Variants in CFAP74 observed in about 807,000 individuals in gnomAD.
CFAP74 encodes the protein cilia and flagella associated protein 74.
CFAP74 carries 124 observed loss-of-function variants against 188.9 expected under a neutral mutation model. The observed-to-expected ratio is 0.66, with a 90% confidence interval of 0.57 to 0.76. CFAP74 has a LOEUF of 0.76. Among genes scored for constraint, CFAP74 ranks in the 30% least tolerant of loss-of-function variants. The pLI, the probability that CFAP74 is intolerant of heterozygous loss-of-function variation, is 0.00. For synonymous variants in CFAP74, 956 were observed against 916.7 expected (o/e 1.04, Z -0.77); for missense variants, 2,198 against 2,165.2 (o/e 1.02, Z -0.30).
At chr1:1,937,621 C>T (rs924056319) in intron 25 of CFAP74, among the ~76,000 whole-genome samples, 3 of 152,172 alleles carry the variant, frequency 2.0e-5, no homozygotes, top group East Asian at 3.8e-4. Flanking sequence ...ACCACAGACC[C>T]GGCTGTGACT....
chr1:1,931,019 T>C lies in CFAP74; in HGVS notation c.3012-683A>G, dbSNP rs1570831117. Among the ~76,000 whole-genome samples the C allele has an allele frequency of 2.0e-5, 3 of 152,350 alleles. No individual in the cohort carries two copies. The South Asian group carries it at 6.2e-4, about 32-fold the overall frequency. On this transcript the variant is annotated intron_variant, in intron 25 of 38. Transcript: ENST00000682832. ...TGTCCTAATTGTATATATTTTATGC[T>C]GTAAAGGACAATACTCCTATCACAT...
chr1:1,941,115 A>AAAAGAAAGAAAAAGAAAGAAAGAAAG (rs1558005777), intron 22 of CFAP74, among the ~76,000 whole-genome samples: 1 of 152,060 alleles, frequency 6.6e-6, no homozygotes, highest in African/African-American at 2.4e-5. Context: ...TCTGTCTCAA[A>AAAAGAAAGAAAAAGAAAGAAAGAAAG]AAAGAAAGAA....
intron 1 of CFAP74, among the ~76,000 whole-genome samples, chr1:1,995,384 T>G (rs558933518): frequency 6.7e-6 from 1 of 150,104 alleles, no homozygotes; most frequent in East Asian, 2.0e-4. Flanking sequence ...CCCAGCTACT[T>G]AGGAGGCTGA....
At chr1:1,964,162 AGGT>A (rs1007502781) in intron 13 of CFAP74, among the ~76,000 whole-genome samples, 2 of 152,218 alleles carry the variant, frequency 1.3e-5, no homozygotes, top group African/African-American at 4.8e-5. Flanking sequence ...GTGGGTTCCA[AGGT>A]GGGTCCCTGA....
At chr1:2,003,362 G>A (rs1285086807) in intron 1 of CFAP74, among the ~76,000 whole-genome samples, 1 of 152,184 alleles carries the variant, frequency 6.6e-6, no homozygotes, top group Non-Finnish European at 1.5e-5. Context: ...TGGGGCTATG[G>A]ACCATGCTCT....
chr1:1,932,951 T>C (rs550170287), intron 25 of CFAP74, among the ~76,000 whole-genome samples: 43 of 150,446 alleles, frequency 2.9e-4, no homozygotes, highest in African/African-American at 1.0e-3. Flanking sequence ...AGTGGTGCGA[T>C]CTCGGCTCAC....
intron 17 of CFAP74, 21 bp downstream of exon 17, chr1:1,956,599 A>G (rs2102061990): frequency 1.2e-6 from 2 of 1,613,914 alleles, no homozygotes; most frequent in Non-Finnish European, 8.5e-7. Context: ...ACACTCCCCC[A>G]TGGCTGAGTG....
Position 1,930,342 on chromosome 1 carries a change from A to C in CFAP74, c.3012-6T>G. On this transcript the variant is annotated splice_polypyrimidine_tract_variant and splice_region_variant and intron_variant, in intron 25 of 38. Coordinates refer to ENST00000682832, the MANE Select transcript of CFAP74 (RefSeq NM_001304360.2). ...GGCAAGACAGCTTGAAGCACCTGCAAGCAGCAGCATGGGAGGCCCTCAGCC... is the reference window on the plus strand; with the variant it reads ...GGCAAGACAGCTTGAAGCACCTGCACGCAGCAGCATGGGAGGCCCTCAGCC... 2 of 1,515,752 alleles carry C rather than the reference A, an allele frequency of 1.3e-6. No individual in the cohort carries two copies. Among genetic ancestry groups the C allele is most frequent in the Non-Finnish European group, 1.8e-6 (2 of 1,132,208 alleles). The allele number at this position is 1,515,752 out of a possible 1,614,324, so 93.9% of individuals were successfully genotyped here.
chr1:1,939,827 C>G, intron 23 of CFAP74, 60 bp from the exon 24 acceptor site: 5 of 1,481,230 alleles, frequency 3.4e-6, no homozygotes, highest in Non-Finnish European at 4.5e-6. Context: ...AAGTGCTCCC[C>G]AAACTCTGAG....
rs543379089 is a variant in CFAP74 at position 1,940,308 on chromosome 1, A to G, written c.2703+8T>C. 1.3e-6 allele frequency: 2 copies of G among 1,534,900 alleles called. No individual in the cohort carries two copies. Among genetic ancestry groups the G allele is most frequent in the Admixed American group, 2.0e-5 (1 of 50,994 alleles). On this transcript the variant is annotated splice_region_variant and intron_variant, in intron 23 of 38. Transcript: ENST00000682832. ...CCCAGCATCCCTGGGAAGTGCCCCA[A>G]CACAGACCTGGTCGGCAACCCATAT...
intron 18 of CFAP74, among the ~76,000 whole-genome samples, chr1:1,950,298 T>TA (rs1388837938): frequency 6.6e-6 from 1 of 152,186 alleles, no homozygotes; most frequent in East Asian, 1.9e-4. Context: ...TCCACGTACG[T>TA]ATCTTCTCTG....
At chr1:1,946,021 CGTGT>C (rs1472898417) in intron 20 of CFAP74, among the ~76,000 whole-genome samples, 2 of 135,352 alleles carry the variant, frequency 1.5e-5, no homozygotes, top group African/African-American at 5.7e-5. Flanking sequence ...TGCGTGTGTG[CGTGT>C]GTACGTGTGT....
chr1:1,966,602 C>T (rs1016132070), intron 11 of CFAP74, 76 bp from the exon 12 acceptor site: 13 of 1,342,112 alleles, frequency 9.7e-6, no homozygotes, highest in African/African-American at 3.0e-5. Flanking sequence ...GCCCAGCCCC[C>T]GCCGGTATGG....
intron 25 of CFAP74, among the ~76,000 whole-genome samples, chr1:1,935,857 T>C (rs1652851663): frequency 6.8e-6 from 1 of 146,568 alleles, no homozygotes; most frequent in South Asian, 2.1e-4. Flanking sequence ...GACCTTTTTT[T>C]TTTCAGCACT....
chr1:1,950,077 G>A (rs1012986439), intron 18 of CFAP74, among the ~76,000 whole-genome samples: 53 of 152,244 alleles, frequency 3.5e-4, no homozygotes, highest in East Asian at 5.8e-4. Context: ...TGAGCGTTTC[G>A]CTGGTGGCCA....
intron 6 of CFAP74, among the ~76,000 whole-genome samples, chr1:1,978,477 T>C (rs1433475555): frequency 6.6e-6 from 1 of 151,758 alleles, no homozygotes; most frequent in African/African-American, 2.4e-5. Flanking sequence ...AGGGCTGAAG[T>C]AGATGGGGAC....
Position 1,990,891 on chromosome 1 carries a change from A to G in CFAP74, c.66T>C (p.Asp22=). 1.2e-6 allele frequency: 2 copies of G among 1,611,674 alleles called. No homozygotes were observed. Among genetic ancestry groups the G allele is most frequent in the South Asian group, 1.1e-5 (1 of 90,278 alleles). The part of the protein sequence containing the change: ...ELLADALLLE[D]ERDELEDPEF... The stretch of plus-strand genomic sequence containing the variant: ...TTACTGTGAAAGAAGCTTTATTACC[A>G]TCTTCCAAAAGAAGGGCATCGGCCA... The change falls in exon 2 of 39, where the codon GAT becomes GAC. Residue 22 remains aspartate, a splice_region_variant and synonymous_variant. Coordinates refer to ENST00000682832, the MANE Select transcript of CFAP74 (RefSeq NM_001304360.2).
At chr1:1,961,389 C>T (rs1045216223) in intron 14 of CFAP74, among the ~76,000 whole-genome samples, 8 of 152,120 alleles carry the variant, frequency 5.3e-5, no homozygotes, top group African/African-American at 7.2e-5. Context: ...AGCAAGCAGG[C>T]GGAAAGCCAG....
chr1:1,973,026 C>A lies in CFAP74; in HGVS notation c.696G>T (p.Lys232Asn), dbSNP rs900180328. The change falls in exon 8 of 39, where the codon AAG becomes AAT. Residue 232 changes from lysine (K) to asparagine (N), a missense_variant. Coordinates refer to ENST00000682832, the MANE Select transcript of CFAP74 (RefSeq NM_001304360.2). This position sits in a 1 kb window ranked among gnomAD's most constrained non-coding sequence, Gnocchi z 6.2. Reference sequence around the variant, plus strand: ...GCTTCTGGTGCCTGAGCCCGAGCTCCTTCTGGGTGTTCAGGGACTTCCTGT... The same window carrying A: ...GCTTCTGGTGCCTGAGCCCGAGCTCATTCTGGGTGTTCAGGGACTTCCTGT... ...LRIRKSLNTQ[K>N]ELGLRHQKLL... The A allele has an allele frequency of 1.2e-6, 2 of 1,613,798 alleles. No individual in the cohort carries two copies. The highest frequency in any genetic ancestry group is 1.3e-5 in the African/African-American group (1 of 74,932).
Sources: allele counts gnomAD v4.1 joint callset (sites outside exome capture counted in the v4.1 genomes callset), GRCh38; gene constraint gnomAD v4.1.1; non-coding constraint Gnocchi (gnomAD v3.1); transcripts MANE v1.5; gene names NCBI Gene and HGNC (gene_info 2026-07-23, HGNC 2026-07-21).